The following TSPAN18 variants were observed in gnomAD, a reference collection of about 807,000 sequenced individuals.
TSPAN18 encodes tetraspanin-18.
TSPAN18 carries 14 observed loss-of-function variants against 27.3 expected under a neutral mutation model. That is an observed-to-expected ratio of 0.51 (90% CI 0.34 to 0.80). The LOEUF (loss-of-function observed/expected upper bound fraction) is 0.80, where lower values mean the gene tolerates loss of function less well. Among genes scored for constraint, TSPAN18 ranks in the 30% least tolerant of loss-of-function variants. The probability of loss-of-function intolerance (pLI) is 0.01; values close to 1 mark genes in which losing one functional copy is unlikely to be tolerated. For synonymous variants in TSPAN18, 143 were observed against 136.5 expected, an observed-to-expected ratio of 1.05 and a Z score of -0.33; for missense variants, 268 against 323.9, an observed-to-expected ratio of 0.83 and a Z score of 1.32.
Position 44,929,328 on chromosome 11 carries a change from T to A in TSPAN18, c.*150T>A. 1 of 918,856 alleles carries A rather than the reference T, an allele frequency of 1.1e-6. No homozygotes were observed. The highest frequency in any genetic ancestry group is 1.5e-5 in the South Asian group (1 of 65,430). 56.9% of individuals were successfully genotyped at this position (918,856 alleles called of 1,614,324 possible). A position where few individuals can be genotyped will look rare whatever the true frequency, so the allele number is the denominator to read the frequency against. On this transcript the variant is annotated 3_prime_UTR_variant, in exon 10 of 10. Coordinates refer to ENST00000520358, the MANE Select transcript of TSPAN18 (RefSeq NM_130783.5). ...AGGAGAAGGGCCAGGGGAATAGAGC[T>A]ATTTTTTTAACAAAACAAAATGAAG...
intron 3 of TSPAN18, among the ~76,000 whole-genome samples, chr11:44,864,829 A>G (rs1386342745): frequency 6.6e-6 from 1 of 152,210 alleles, no homozygotes; most frequent in Non-Finnish European, 1.5e-5. Context: ...GAGGACGCCA[A>G]GCCTGTACAT....
chr11:44,796,326 T>C (rs1042625750), intron 2 of TSPAN18, among the ~76,000 whole-genome samples: 5 of 152,188 alleles, frequency 3.3e-5, no homozygotes, highest in Non-Finnish European at 5.9e-5. Context: ...TTTCAGTTTT[T>C]ACGATGTTTT....
At chr11:44,737,097 C>T (rs925751893) in intron 1 of TSPAN18, among the ~76,000 whole-genome samples, 5 of 152,212 alleles carry the variant, frequency 3.3e-5, no homozygotes, top group Admixed American at 2.6e-4. Flanking sequence ...AGATTCTTAG[C>T]TATAGCTTCT....
At chr11:44,751,486 C>A (rs1355702595) in intron 1 of TSPAN18, among the ~76,000 whole-genome samples, 1 of 152,152 alleles carries the variant, frequency 6.6e-6, no homozygotes, top group Non-Finnish European at 1.5e-5. Flanking sequence ...ATGTGACAAT[C>A]CACAGCATAC....
intron 3 of TSPAN18, among the ~76,000 whole-genome samples, chr11:44,868,842 A>G (rs940702280): frequency 2.0e-5 from 3 of 152,194 alleles, no homozygotes; most frequent in African/African-American, 4.8e-5. Flanking sequence ...TGGGGACTCT[A>G]TGTGCTTTGA....
intron 1 of TSPAN18, among the ~76,000 whole-genome samples, chr11:44,745,075 G>A (rs1855040082): frequency 6.6e-6 from 1 of 152,210 alleles, no homozygotes; most frequent in Non-Finnish European, 1.5e-5. Flanking sequence ...TGGGGCACTT[G>A]AATGCCCTGT....
chr11:44,882,655 G>A (rs997942247), intron 3 of TSPAN18, among the ~76,000 whole-genome samples: 3 of 150,966 alleles, frequency 2.0e-5, no homozygotes, highest in Admixed American at 6.6e-5. Context: ...GTGCATGTAT[G>A]TGTGTGTTCC....
At chr11:44,852,992 T>G (rs1279926082) in intron 2 of TSPAN18, among the ~76,000 whole-genome samples, 3 of 152,212 alleles carry the variant, frequency 2.0e-5, no homozygotes, top group African/African-American at 7.2e-5. Context: ...CACTGCTTCA[T>G]CAAAAGCTCA....
intron 2 of TSPAN18, among the ~76,000 whole-genome samples, chr11:44,813,283 G>A (rs1856757277): frequency 6.6e-6 from 1 of 152,210 alleles, no homozygotes; most frequent in African/African-American, 2.4e-5. Context: ...GAGAGGGTGT[G>A]CTTTGAGTGG....
At chr11:44,846,208 T>C (rs1318470167) in intron 2 of TSPAN18, among the ~76,000 whole-genome samples, 1 of 152,206 alleles carries the variant, frequency 6.6e-6, no homozygotes, top group Admixed American at 6.5e-5. Flanking sequence ...TGTCCAGCAT[T>C]TCACAGAGCC....
intron 2 of TSPAN18, among the ~76,000 whole-genome samples, chr11:44,775,451 C>T (rs932155522): frequency 3.3e-5 from 5 of 152,202 alleles, no homozygotes; most frequent in Admixed American, 2.0e-4. Context: ...CGCTCCTGTT[C>T]CTGCCCACAC....
upstream of TSPAN18, chr11:44,726,639 G>GC (rs1854508418): frequency 6.6e-6 from 1 of 151,796 alleles, no homozygotes; most frequent in South Asian, 2.1e-4. Flanking sequence ...GGTCCAGCAT[G>GC]CCCCTCTCCC....
Position 44,762,615 on chromosome 11 carries a change from ATG to A in TSPAN18, c.-239-1791_-239-1790del, listed in dbSNP as rs533032652. Among the ~76,000 whole-genome samples, 251 of 149,606 alleles carry A rather than the reference ATG, an allele frequency of 1.7e-3. 1 individual carries two copies. Among genetic ancestry groups the A allele is most frequent in the Middle Eastern group, 3.4e-3 (1 of 292 alleles). ...CAAGGTCATACCTATATATACACAT[ATG>A]TGTGTGTGTGTGTGTGTGTTTGTGT... On this transcript the variant is annotated intron_variant, in intron 1 of 9. Transcript: ENST00000520358.
Position 44,866,744 on chromosome 11 carries a change from C to T in TSPAN18, c.-11+6275C>T, listed in dbSNP as rs116884712. Among the ~76,000 whole-genome samples, 17 of 152,332 alleles carry T rather than the reference C, an allele frequency of 1.1e-4. No homozygotes were observed. In the East Asian group the frequency reaches 3.1e-3, roughly 28 times the overall value. On this transcript the variant is annotated intron_variant, in intron 3 of 9. Transcript: ENST00000520358. ...CAAGCCTGCTGCCTCTGCTGCCCTC[C>T]TCTGCAGGCTCACACTGCAGCCACC...
At chr11:44,845,858 G>A (rs1198029454) in intron 2 of TSPAN18, among the ~76,000 whole-genome samples, 2 of 152,218 alleles carry the variant, frequency 1.3e-5, no homozygotes, top group African/African-American at 2.4e-5. Context: ...CCACCTGGTA[G>A]GGTGAGCCAT....
intron 3 of TSPAN18, among the ~76,000 whole-genome samples, chr11:44,879,632 T>C (rs1858435343): frequency 1.3e-5 from 2 of 152,198 alleles, no homozygotes; most frequent in South Asian, 2.1e-4. Flanking sequence ...CCAGAGCAGC[T>C]GGAGCTGGCT....
intron 1 of TSPAN18, among the ~76,000 whole-genome samples, chr11:44,748,755 G>A (rs1322457660): frequency 6.6e-6 from 1 of 152,172 alleles, no homozygotes; most frequent in Non-Finnish European, 1.5e-5. Context: ...AGAGGCAGCG[G>A]TCAAGTTGCC....
intron 2 of TSPAN18, among the ~76,000 whole-genome samples, chr11:44,853,961 C>T (rs746276878): frequency 6.6e-6 from 1 of 152,134 alleles, no homozygotes; most frequent in East Asian, 1.9e-4. Context: ...TTATACCTGT[C>T]CTTTGGCAAG....
intron 8 of TSPAN18, among the ~76,000 whole-genome samples, chr11:44,922,357 G>C (rs1860174729): frequency 6.6e-6 from 1 of 152,168 alleles, no homozygotes. Flanking sequence ...GACCTCAAAT[G>C]ATCCACCCTC....
Sources: allele counts gnomAD v4.1 joint callset (sites outside exome capture counted in the v4.1 genomes callset), GRCh38; gene constraint gnomAD v4.1.1; transcripts MANE v1.5; gene names NCBI Gene and HGNC (gene_info 2026-07-23, HGNC 2026-07-21).